PATJ: variants seen among roughly 807,000 people sequenced by gnomAD.
PATJ encodes the protein PATJ crumbs cell polarity complex component.
PATJ carries 190 observed loss-of-function variants against 224.9 expected under a neutral mutation model. The observed-to-expected ratio is 0.84, with a 90% CI of 0.75 to 0.95. The LOEUF (loss-of-function observed/expected upper bound fraction) is 0.95, where lower values mean the gene tolerates loss of function less well. Ranked by LOEUF, PATJ falls within the 40% of genes least tolerant of loss-of-function variation. The probability of loss-of-function intolerance (pLI) is 0.00; values close to 1 mark genes in which losing one functional copy is unlikely to be tolerated. For synonymous variants in PATJ, 769 were observed against 820.3 expected (o/e 0.94, Z 1.07); for missense variants, 2,121 against 2,270.3 (o/e 0.93, Z 1.34).
At chr1:62,027,592 A>G (rs1298961221) in intron 29 of PATJ, among the ~76,000 whole-genome samples, 2 of 149,030 alleles carry the variant, frequency 1.3e-5, no homozygotes, top group Non-Finnish European at 3.0e-5. Flanking sequence ...AACAATGTAC[A>G]CAGGTTTTAA....
intron 4 of PATJ, among the ~76,000 whole-genome samples, chr1:61,768,472 A>T (rs201220701): frequency 4.7e-5 from 7 of 149,306 alleles, no homozygotes; most frequent in African/African-American, 7.4e-5. Flanking sequence ...TCCGTCTCAA[A>T]AAATAAATAA....
intron 27 of PATJ, among the ~76,000 whole-genome samples, chr1:61,938,499 A>G (rs1677240340): frequency 6.6e-6 from 1 of 152,160 alleles, no homozygotes; most frequent in African/African-American, 2.4e-5. Context: ...TTTTCATGTA[A>G]CCAATCTGCA....
intron 27 of PATJ, among the ~76,000 whole-genome samples, chr1:61,976,304 C>CT (rs1329924858): frequency 2.6e-5 from 4 of 152,016 alleles, no homozygotes; most frequent in Admixed American, 6.5e-5. Context: ...CAATTACTTA[C>CT]TTTGAGTTTA....
chr1:62,006,640 T>A (rs2148284764), intron 28 of PATJ, among the ~76,000 whole-genome samples: 1 of 152,344 alleles, frequency 6.6e-6, no homozygotes, highest in East Asian at 1.9e-4. Flanking sequence ...GTTAATGTTA[T>A]AACTAAGTAT....
intron 17 of PATJ, among the ~76,000 whole-genome samples, chr1:61,850,909 T>A (rs1662711368): frequency 6.6e-6 from 1 of 152,230 alleles, no homozygotes; most frequent in Non-Finnish European, 1.5e-5. Flanking sequence ...CCAGCTGTTG[T>A]TGTTATTCCT....
intron 5 of PATJ, among the ~76,000 whole-genome samples, chr1:61,770,061 C>T (rs1310942515): frequency 1.3e-5 from 2 of 152,002 alleles, no homozygotes; most frequent in Non-Finnish European, 2.9e-5. Context: ...TTCCAATGCA[C>T]GTGTTAGAAT....
At chr1:61,970,551 G>A (rs144289693) in intron 27 of PATJ, among the ~76,000 whole-genome samples, 31 of 152,260 alleles carry the variant, frequency 2.0e-4, no homozygotes, top group Middle Eastern at 3.4e-3. Context: ...GGAGTGCAGT[G>A]GTGCGATGAC....
intron 27 of PATJ, among the ~76,000 whole-genome samples, chr1:61,964,192 C>T (rs1681738742): frequency 6.6e-6 from 1 of 151,614 alleles, no homozygotes; most frequent in Admixed American, 6.6e-5. Flanking sequence ...AGTCATTCTC[C>T]TGCCTCAGCC....
rs1669796157 is a variant in PATJ, at chr1:62,161,065, T to C, written c.*11T>C. 2 of 1,465,866 alleles carry C rather than the reference T, an allele frequency of 1.4e-6. No individual in the cohort carries two copies. The highest frequency in any genetic ancestry group is 2.6e-5 in the Admixed American group (1 of 39,006). 90.8% of individuals were successfully genotyped at this position (1,465,866 alleles called of 1,614,324 possible). ...ACTGTGCTGTCATGAGCCTCGGGCC[T>C]GATCACAAGATAGATGTTGTTGTTT... On this transcript the variant is annotated 3_prime_UTR_variant, in exon 44 of 44. Transcript: ENST00000642238.
At chr1:61,796,581 G>A (rs148036943) in intron 10 of PATJ, among the ~76,000 whole-genome samples, 64 of 152,206 alleles carry the variant, frequency 4.2e-4, no homozygotes, top group African/African-American at 1.4e-3. Flanking sequence ...TTGCTTTCTA[G>A]TGTGTGAGGA....
chr1:62,114,200 C>G lies in PATJ; in HGVS notation c.4609C>G (p.Gln1537Glu). 1 of 1,614,112 alleles carries G rather than the reference C, an allele frequency of 6.2e-7. No individual in the cohort carries two copies. Among genetic ancestry groups the G allele is most frequent in the Non-Finnish European group, 8.5e-7 (1 of 1,180,010 alleles). The change falls in exon 35 of 44, where the codon CAG becomes GAG. Residue 1537 changes from glutamine to glutamate, a missense_variant. Transcript: ENST00000642238. Reference sequence around the variant, plus strand: ...CTTGGAGATTTTCCCTGTGGATCTGCAGAAGAAAGCTGGCCGGGGCCTGGG... The same window carrying G: ...CTTGGAGATTTTCCCTGTGGATCTGGAGAAGAAAGCTGGCCGGGGCCTGGG... ...ENLEIFPVDLQKKAGRGLGLS... is the reference protein window; with the variant it reads ...ENLEIFPVDLEKKAGRGLGLS...
chr1:61,820,674 G>A (rs1657081893), intron 14 of PATJ, among the ~76,000 whole-genome samples: 1 of 152,104 alleles, frequency 6.6e-6, no homozygotes. Flanking sequence ...AACTTTATAT[G>A]GTTTAATTTT....
intron 41 of PATJ, among the ~76,000 whole-genome samples, chr1:62,139,245 T>A (rs1812261): frequency 0.37 from 55,913 of 151,258 alleles, 12,263 homozygotes; most frequent in East Asian, 0.71. Flanking sequence ...TACCAAAAAT[T>A]CAAAAAATAG....
At position 62,077,322 on chromosome 1, in the gene PATJ, T is replaced by C. The variant is rs1359530279; in HGVS notation, c.4126-2128T>C. Among the ~76,000 whole-genome samples the C allele has an allele frequency of 3.3e-5, 5 of 152,302 alleles. No homozygotes were observed. In the East Asian group the frequency reaches 7.7e-4, roughly 23 times the overall value. On this transcript the variant is annotated intron_variant, in intron 31 of 43. Transcript: ENST00000642238. ...CTTATAGTAACCCCTTATTTGTCCT[T>C]TTCTACTTTCTTCCTTTAAAAATCA...
intron 7 of PATJ, among the ~76,000 whole-genome samples, chr1:61,787,181 T>C (rs148438316): frequency 1.3e-3 from 201 of 152,306 alleles, no homozygotes; most frequent in African/African-American, 4.6e-3. Context: ...GTTGTTAAAG[T>C]CAGTCAGGTA....
At chr1:61,795,418 G>T in intron 9 of PATJ, 49 bp from the exon 10 acceptor site, 1 of 1,124,960 alleles carries the variant, frequency 8.9e-7, no homozygotes, top group South Asian at 1.5e-5. Flanking sequence ...TTGCAATCAA[G>T]GCCTAATTAG....
chr1:62,161,102 A>G lies in PATJ; in HGVS notation c.*48A>G. 1 of 1,356,860 alleles carries G rather than the reference A, an allele frequency of 7.4e-7. No homozygotes were observed. Among genetic ancestry groups the G allele is most frequent in the Non-Finnish European group, 9.5e-7 (1 of 1,051,876 alleles). 84.1% of individuals were successfully genotyped at this position (1,356,860 alleles called of 1,614,324 possible). On this transcript the variant is annotated 3_prime_UTR_variant, in exon 44 of 44. Transcript: ENST00000642238. Reference sequence around the variant, plus strand: ...AGATGTTGTTGTTTAGAATATCCACAGGCAGATGAAGTTCTGAGTGGGTAT... The same window carrying G: ...AGATGTTGTTGTTTAGAATATCCACGGGCAGATGAAGTTCTGAGTGGGTAT...
In PATJ at chr1:61,836,212, C is replaced by T. The variant is rs1035997007; in HGVS notation, c.2112+2427C>T. The stretch of plus-strand genomic sequence containing the variant: ...AGAATTTTTTGTTCTTCATTGCATT[C>T]CTGTAGGTATGTATTGTAACTTCTA... On this transcript the variant is annotated intron_variant, in intron 17 of 43. Coordinates refer to ENST00000642238, the MANE Select transcript of PATJ (RefSeq NM_001350145.3). Among the ~76,000 whole-genome samples, 3 of 152,090 alleles carry T rather than the reference C, an allele frequency of 2.0e-5. No homozygotes were observed. In the East Asian group the frequency reaches 5.8e-4, roughly 29 times the overall value.
At chr1:61,788,657 T>C (rs1488338872) in intron 8 of PATJ, among the ~76,000 whole-genome samples, 3 of 151,836 alleles carry the variant, frequency 2.0e-5, no homozygotes, top group Non-Finnish European at 2.9e-5. Flanking sequence ...GTTTTTTGTT[T>C]GTTTGTTTGT....
Sources: allele counts gnomAD v4.1 joint callset (sites outside exome capture counted in the v4.1 genomes callset), GRCh38; gene constraint gnomAD v4.1.1; transcripts MANE v1.5; gene names NCBI Gene and HGNC (gene_info 2026-07-23, HGNC 2026-07-21).